Variants in FAT3 observed in about 807,000 individuals in gnomAD.
FAT3 encodes the protein protocadherin Fat 3.
A neutral mutation model predicts 310.2 loss-of-function variants in FAT3; 95 were observed. That is an observed-to-expected ratio of 0.31 (90% CI 0.26 to 0.36). FAT3 has a LOEUF of 0.36. Ranked by LOEUF, FAT3 falls within the 10% of genes least tolerant of loss-of-function variation. The pLI is 1.00. For synonymous variants in FAT3, 2,314 were observed against 2,192.9 expected (o/e 1.06, Z -1.54); for missense variants, 5,408 against 5,715.6 (o/e 0.95, Z 1.74).
chr11:92,846,921 C>G (rs1948696910), intron 19 of FAT3, among the ~76,000 whole-genome samples: 1 of 152,212 alleles, frequency 6.6e-6, no homozygotes, highest in Non-Finnish European at 1.5e-5. Flanking sequence ...CAAAGGTCAT[C>G]TAGCCCAGCC....
chr11:92,485,154 G>A lies in FAT3; in HGVS notation c.3293-39480G>A, dbSNP rs113901032. Among the ~76,000 whole-genome samples, 682 of 152,338 alleles carry A rather than the reference G, an allele frequency of 4.5e-3. 2 individuals are homozygous for A. Among genetic ancestry groups the A allele is most frequent in the African/African-American group, 0.014 (585 of 41,572 alleles). Reference sequence around the variant, plus strand: ...ATTAAAAAGAAGCTTGGCATGTGCCGTGGTAGACAATAATGTAATGAAAAC... The same window carrying A: ...ATTAAAAAGAAGCTTGGCATGTGCCATGGTAGACAATAATGTAATGAAAAC... On this transcript the variant is annotated intron_variant, in intron 2 of 27. Coordinates refer to ENST00000525166, the MANE Select transcript of FAT3 (RefSeq NM_001367949.2).
chr11:92,680,934 T>C (rs1218843269), intron 3 of FAT3, among the ~76,000 whole-genome samples: 2 of 152,214 alleles, frequency 1.3e-5, no homozygotes, highest in Non-Finnish European at 2.9e-5. Flanking sequence ...TAGAAACTTT[T>C]AGTGGTAGAG....
intron 4 of FAT3, among the ~76,000 whole-genome samples, chr11:92,749,277 C>T (rs1945759376): frequency 6.6e-6 from 1 of 152,034 alleles, no homozygotes; most frequent in Admixed American, 6.6e-5. Flanking sequence ...CGAGTTAACA[C>T]ACATACACAA....
chr11:92,677,417 T>G (rs1201115006), intron 3 of FAT3, among the ~76,000 whole-genome samples: 1 of 152,250 alleles, frequency 6.6e-6, no homozygotes, highest in Non-Finnish European at 1.5e-5. Flanking sequence ...ATCCAGTCCA[T>G]TGATACAAAT....
At chr11:92,518,026 G>C (rs1386588939) in intron 2 of FAT3, among the ~76,000 whole-genome samples, 3 of 152,134 alleles carry the variant, frequency 2.0e-5, no homozygotes, top group African/African-American at 7.2e-5. Flanking sequence ...GTTGGTGGGA[G>C]TGTAAATTAG....
intron 1 of FAT3, among the ~76,000 whole-genome samples, chr11:92,258,698 A>C (rs1180994760): frequency 1.3e-5 from 2 of 152,098 alleles, no homozygotes; most frequent in African/African-American, 4.8e-5. Flanking sequence ...GCATCTTAAC[A>C]TTATGATGAG....
intron 1 of FAT3, among the ~76,000 whole-genome samples, chr11:92,288,854 GCTGGACCACA>G (rs778590357): frequency 2.0e-5 from 3 of 152,116 alleles, no homozygotes; most frequent in Non-Finnish European, 4.4e-5. Flanking sequence ...TTCTAGGCTG[GCTGGACCACA>G]CTTGGTTGGT....
chr11:92,355,075 C>A lies in FAT3; in HGVS notation c.2963C>A (p.Ala988Glu). ...AATGGGAGATTTGAAATAGATAAAG[C>A]AAGTGGTGCCATCCGCTTGAGCAAA... ...DYNGRFEIDKASGAIRLSKEL... is the reference protein window; with the variant it reads ...DYNGRFEIDKESGAIRLSKEL... The change falls in exon 2 of 28, where the codon GCA (alanine) becomes GAA (glutamate). Residue 988 changes from alanine to glutamate, a missense_variant. Physicochemically the swap from Ala to Glu is moderately radical, Grantham distance 107. This residue lies in a region of FAT3 where 4,588 missense variants were observed against 4,809.8 expected (regional missense o/e 0.95). Transcript: ENST00000525166. 1 of 1,613,692 alleles carries A rather than the reference C, an allele frequency of 6.2e-7. No individual in the cohort carries two copies. Among genetic ancestry groups the A allele is most frequent in the Non-Finnish European group, 8.5e-7 (1 of 1,179,834 alleles).
chr11:92,480,125 C>T (rs983432843), intron 2 of FAT3, among the ~76,000 whole-genome samples: 6 of 152,008 alleles, frequency 3.9e-5, no homozygotes, highest in Non-Finnish European at 8.8e-5. Flanking sequence ...ATTAGCCGGG[C>T]GTGGTGGCGG....
intron 3 of FAT3, among the ~76,000 whole-genome samples, chr11:92,651,934 T>G (rs951626377): frequency 6.6e-6 from 1 of 152,232 alleles, no homozygotes; most frequent in Non-Finnish European, 1.5e-5. Flanking sequence ...AAAATCAATT[T>G]GATCACTTGC....
chr11:92,309,390 A>ACACACACACACACGCG (rs1256404475), intron 1 of FAT3, among the ~76,000 whole-genome samples: 2 of 63,444 alleles, frequency 3.2e-5, no homozygotes, highest in East Asian at 7.1e-4. Context: ...GCATGCACAC[A>ACACACACACACACGCG]CACACACACA....
chr11:92,849,027 G>C (rs531573227), intron 19 of FAT3, among the ~76,000 whole-genome samples: 1 of 152,198 alleles, frequency 6.6e-6, no homozygotes, highest in African/African-American at 2.4e-5. Flanking sequence ...TGACCAGTTC[G>C]CATGCTGTTT....
chr11:92,408,584 G>A (rs765793327), intron 2 of FAT3, among the ~76,000 whole-genome samples: 1 of 152,124 alleles, frequency 6.6e-6, no homozygotes, highest in Non-Finnish European at 1.5e-5. Context: ...CTCACCAAAT[G>A]CCAGCCCTCA....
At position 92,798,336 on chromosome 11, in the gene FAT3, T is replaced by G. The variant is rs761947351; in HGVS notation, c.5323T>G (p.Ser1775Ala). The part of the protein sequence containing the change: ...NAPVFLFSQY[S>A]GSLSEAAPIN... ...CCCAGTTTTTCTCTTTTCTCAATACTCAGGCAGCCTAAGTGAGGCTGCCCC... is the reference window on the plus strand; with the variant it reads ...CCCAGTTTTTCTCTTTTCTCAATACGCAGGCAGCCTAAGTGAGGCTGCCCC... The change falls in exon 10 of 28, where the codon TCA becomes GCA. Residue 1775 changes from serine to alanine, a missense_variant. Around this residue, in one of 5 missense-constraint regions of FAT3, gnomAD observed 4,588 missense variants for 4,809.8 expected, o/e 0.95. Coordinates refer to ENST00000525166, the MANE Select transcript of FAT3 (RefSeq NM_001367949.2). The G allele has an allele frequency of 1.2e-6, 2 of 1,613,782 alleles. No individual in the cohort carries two copies. The highest frequency in any genetic ancestry group is 1.3e-5 in the African/African-American group (1 of 75,052).
intron 3 of FAT3, 139 bp from the exon 4 acceptor site, chr11:92,697,245 C>A: frequency 1.7e-6 from 1 of 585,274 alleles, no homozygotes; most frequent in South Asian, 3.0e-5. Context: ...TTCTTGAGAC[C>A]ATTCTGATTG....
intron 4 of FAT3, among the ~76,000 whole-genome samples, chr11:92,756,916 ATTTTTT>A (rs34317439): frequency 3.3e-5 from 3 of 90,302 alleles, no homozygotes; most frequent in African/African-American, 1.4e-4. Context: ...TTGTGGCTCC[ATTTTTT>A]TTTTTTTTTT....
chr11:92,468,936 AT>A (rs1273483556), intron 2 of FAT3, among the ~76,000 whole-genome samples: 1 of 152,148 alleles, frequency 6.6e-6, no homozygotes, highest in Non-Finnish European at 1.5e-5. Context: ...AATTATTATG[AT>A]TTTTTGCTAA....
At chr11:92,302,466 AT>A (rs920723631) in intron 1 of FAT3, among the ~76,000 whole-genome samples, 240 of 149,644 alleles carry the variant, frequency 1.6e-3, no homozygotes, top group African/African-American at 4.9e-3. Context: ...TTATTTCCTA[AT>A]TTTTTTTTTC....
chr11:92,780,098 T>C (rs1946705264), intron 7 of FAT3, among the ~76,000 whole-genome samples: 1 of 151,824 alleles, frequency 6.6e-6, no homozygotes, highest in Non-Finnish European at 1.5e-5. Context: ...CCTTGAGTCC[T>C]CACCTACACA....
Sources: gnomAD v4.1 joint callset for allele counts (sites outside exome capture counted in the v4.1 genomes callset) on GRCh38, gnomAD v4.1.1 for gene constraint, gnomAD v4.1.1 regional missense constraint, MANE v1.5 for transcripts, NCBI Gene and HGNC (gene_info 2026-07-23, HGNC 2026-07-21) for gene names.